The following RERE variants were observed in gnomAD, a reference collection of about 807,000 sequenced individuals.
RERE encodes arginine-glutamic acid dipeptide repeats, also known as arginine-glutamic acid dipeptide repeats protein.
Under a neutral mutation model 146.1 loss-of-function variants are expected in RERE, and 40 were observed. The ratio of observed to expected loss-of-function variants is 0.27; its 90% CI spans 0.21 to 0.36. RERE has a LOEUF of 0.36. RERE is among the 10% of genes least tolerant of loss of function. The pLI is 1.00. For synonymous variants in RERE, 1,003 were observed against 866.0 expected, an observed-to-expected ratio of 1.16 and a Z score of -2.78; for missense variants, 1,933 against 2,138.7, an observed-to-expected ratio of 0.90 and a Z score of 1.90.
At chr1:8,541,132 T>G (rs1402240613) in intron 7 of RERE, 82 bp downstream of exon 7, 1 of 663,284 alleles carries the variant, frequency 1.5e-6, no homozygotes, top group Non-Finnish European at 2.5e-6. Flanking sequence ...AAGCATAAAC[T>G]ACACACACAC....
chr1:8,399,880 G>A (rs1643188774), intron 12 of RERE, among the ~76,000 whole-genome samples: 1 of 150,326 alleles, frequency 6.7e-6, no homozygotes, highest in Non-Finnish European at 1.5e-5. Context: ...ATAAGTTTCT[G>A]TAGCCACTGT....
rs1329706651 is a variant in RERE, at chr1:8,628,436, T to C, written c.326-4056A>G. Among the ~76,000 whole-genome samples, 6 of 152,212 alleles carry C rather than the reference T, an allele frequency of 3.9e-5. 1 individual carries two copies. On this transcript the variant is annotated intron_variant, in intron 2 of 22. Transcript: ENST00000400908. The stretch of plus-strand genomic sequence containing the variant: ...CACTGCTTTGACCTGATTTGTCTAA[T>C]TCATTTTTAAAATCAAAGCATGACG...
At chr1:8,411,550 G>A (rs1643616518) in intron 12 of RERE, among the ~76,000 whole-genome samples, 1 of 152,034 alleles carries the variant, frequency 6.6e-6, no homozygotes, top group Non-Finnish European at 1.5e-5. Flanking sequence ...CCCGTAAGGT[G>A]GCAGACACAT....
chr1:8,772,439 A>C (rs1640970184), intron 1 of RERE, among the ~76,000 whole-genome samples: 1 of 152,168 alleles, frequency 6.6e-6, no homozygotes, highest in South Asian at 2.1e-4. Context: ...GAACTTTACA[A>C]TGGCTTTGAG....
intron 1 of RERE, among the ~76,000 whole-genome samples, chr1:8,765,589 T>C (rs1640831349): frequency 6.6e-6 from 1 of 151,808 alleles, no homozygotes; most frequent in Admixed American, 6.6e-5. Context: ...GAGGCTGAGG[T>C]GGATGGATCA....
At chr1:8,431,782 G>A (rs1001979026) in intron 11 of RERE, among the ~76,000 whole-genome samples, 2 of 152,108 alleles carry the variant, frequency 1.3e-5, no homozygotes, top group African/African-American at 4.8e-5. Flanking sequence ...CATGGGCCTA[G>A]CACCTCAAAT....
intron 6 of RERE, among the ~76,000 whole-genome samples, chr1:8,544,530 G>A (rs1478554537): frequency 1.3e-5 from 2 of 152,082 alleles, no homozygotes; most frequent in African/African-American, 2.4e-5. Context: ...CACAAAAACA[G>A]TATACACTGC....
At chr1:8,606,071 C>T (rs932190696) in intron 4 of RERE, among the ~76,000 whole-genome samples, 4 of 151,856 alleles carry the variant, frequency 2.6e-5, no homozygotes, top group Non-Finnish European at 5.9e-5. Flanking sequence ...CAGTCTTGGC[C>T]GCCCAAAGTG....
intron 11 of RERE, among the ~76,000 whole-genome samples, chr1:8,452,346 T>C (rs1644399300): frequency 6.6e-6 from 1 of 152,136 alleles, no homozygotes; most frequent in Non-Finnish European, 1.5e-5. Context: ...CAAGCACTCA[T>C]TTACACCCAC....
At chr1:8,529,729 C>T (rs1645617772) in intron 7 of RERE, among the ~76,000 whole-genome samples, 1 of 152,150 alleles carries the variant, frequency 6.6e-6, no homozygotes, top group African/African-American at 2.4e-5. Context: ...CAAACTCACT[C>T]CAATCTCAAG....
Position 8,499,712 on chromosome 1 carries a change from T to G in RERE, c.880-2183A>C, listed in dbSNP as rs546016153. 3.9e-5 allele frequency among the ~76,000 whole-genome samples: 6 copies of G among 152,378 alleles called. No homozygotes were observed. In the South Asian group the frequency reaches 6.2e-4, roughly 16 times the overall value. On this transcript the variant is annotated intron_variant, in intron 8 of 22. Transcript: ENST00000400908. Reference sequence around the variant, plus strand: ...CCATGCCTCTAAATGTGTATCAAGCTGACTTTCTCCAAGCAAGGATGTTCT... The same window carrying G: ...CCATGCCTCTAAATGTGTATCAAGCGGACTTTCTCCAAGCAAGGATGTTCT...
intron 12 of RERE, among the ~76,000 whole-genome samples, chr1:8,418,939 C>G (rs1053794672): frequency 6.6e-6 from 1 of 152,074 alleles, no homozygotes; most frequent in African/African-American, 2.4e-5. Context: ...GTTCAGACAC[C>G]GGGCGCTCTG....
chr1:8,413,904 A>G (rs1309592107), intron 12 of RERE, among the ~76,000 whole-genome samples: 1 of 151,818 alleles, frequency 6.6e-6, no homozygotes, highest in Non-Finnish European at 1.5e-5. Flanking sequence ...AAAAATACAA[A>G]ATTAGCCAGG....
rs1330508445 is a variant in RERE at position 8,361,421 on chromosome 1, C to G, written c.2086G>C (p.Glu696Gln). Residue 696 changes from glutamate (E) to glutamine (Q), a missense_variant, in exon 18 of 23, where the codon GAG becomes CAG. Transcript: ENST00000400908. ...ESSDSRSVNDEGSSDPKDIDQ... is the reference protein window; with the variant it reads ...ESSDSRSVNDQGSSDPKDIDQ... ...ATGTCTTTGGGGTCACTGCTACCCT[C>G]ATCGTTGACGCTGCGACTGTCTGAA... The G allele has an allele frequency of 6.2e-7, 1 of 1,613,904 alleles. No homozygotes were observed. Among genetic ancestry groups the G allele is most frequent in the South Asian group, 1.1e-5 (1 of 91,088 alleles).
intron 11 of RERE, among the ~76,000 whole-genome samples, chr1:8,457,905 G>A (rs1294882084): frequency 6.6e-6 from 1 of 152,056 alleles, no homozygotes; most frequent in Non-Finnish European, 1.5e-5. Flanking sequence ...CTAGCCTAAG[G>A]GAGACTTTAG....
chr1:8,789,308 A>G (rs1196596039), intron 1 of RERE, among the ~76,000 whole-genome samples: 1 of 130,880 alleles, frequency 7.6e-6, no homozygotes, highest in Non-Finnish European at 1.6e-5. Context: ...AAAAATATAT[A>G]TATATATATA....
chr1:8,422,789 G>A lies in RERE; in HGVS notation c.1222C>T (p.Leu408Phe). The change falls in exon 12 of 23, where the codon CTC becomes TTC. Residue 408 changes from leucine to phenylalanine, a missense_variant. By Grantham distance (22) the Leu-to-Phe change is conservative. Transcript: ENST00000400908. ...EDEVKRFVKG[L>F]RQYGKNFFRI... ...AAGAAGTTCTTCCCGTACTGCCTGA[G>A]TCCCTTAACGAAGCGTTTCTGTGAT... 1 of 1,613,782 alleles carries A rather than the reference G, an allele frequency of 6.2e-7. No homozygotes were observed.
At chr1:8,365,363 A>T (rs1404678392) in intron 13 of RERE, among the ~76,000 whole-genome samples, 6 of 152,300 alleles carry the variant, frequency 3.9e-5, no homozygotes, top group Non-Finnish European at 7.3e-5. Context: ...TAGATTGTAC[A>T]TCATACTGGG....
intron 10 of RERE, among the ~76,000 whole-genome samples, chr1:8,469,502 C>A (rs968963526): frequency 6.6e-6 from 1 of 152,094 alleles, no homozygotes; most frequent in Non-Finnish European, 1.5e-5. Flanking sequence ...GCCTATAATC[C>A]CAGCTATTCG....
Sources: gnomAD v4.1 joint callset for allele counts (sites outside exome capture counted in the v4.1 genomes callset) on GRCh38, gnomAD v4.1.1 for gene constraint, MANE v1.5 for transcripts, NCBI Gene and HGNC (gene_info 2026-07-23, HGNC 2026-07-21) for gene names.